Variants in EFCAB6 observed in about 807,000 individuals in gnomAD.
EFCAB6 encodes EF-hand calcium binding domain 6.
Under a neutral mutation model 169.8 loss-of-function variants are expected in EFCAB6, and 156 were observed. That is an observed-to-expected ratio of 0.92 (90% CI 0.81 to 1.05). The LOEUF is 1.05. Among genes scored for constraint, EFCAB6 ranks in the 50% least tolerant of loss-of-function variants. EFCAB6 has a pLI of 0.00. For synonymous variants in EFCAB6, 698 were observed against 676.4 expected (o/e 1.03, Z -0.50); for missense variants, 1,800 against 1,829.1 (o/e 0.98, Z 0.29).
chr22:43,588,733 C>T (rs749351785), intron 24 of EFCAB6, among the ~76,000 whole-genome samples: 2 of 151,690 alleles, frequency 1.3e-5, no homozygotes, highest in Non-Finnish European at 2.9e-5. Flanking sequence ...GATTAGCTGA[C>T]GTGTCTCGAT....
chr22:43,750,245 G>C (rs1464148525), intron 6 of EFCAB6, among the ~76,000 whole-genome samples: 1 of 152,158 alleles, frequency 6.6e-6, no homozygotes, highest in Admixed American at 6.5e-5. Context: ...TCCTGGGGTA[G>C]AAGTATTCTC....
chr22:43,708,967 G>A (rs1413681706), intron 10 of EFCAB6, among the ~76,000 whole-genome samples: 1 of 152,118 alleles, frequency 6.6e-6, no homozygotes, highest in African/African-American at 2.4e-5. Context: ...CAAGTTATAA[G>A]AACACCTCAG....
intron 22 of EFCAB6, among the ~76,000 whole-genome samples, chr22:43,605,773 C>T (rs187266105): frequency 6.5e-4 from 99 of 152,142 alleles, no homozygotes; most frequent in Admixed American, 2.2e-3. Flanking sequence ...TGGTAAACTG[C>T]GTTATGTATA....
chr22:43,722,560 T>C (rs975719797), intron 8 of EFCAB6, among the ~76,000 whole-genome samples: 1 of 148,538 alleles, frequency 6.7e-6, no homozygotes, highest in African/African-American at 2.5e-5. Context: ...AAACAACAGA[T>C]GCTGGCAAGG....
At position 43,711,562 on chromosome 22, in the gene EFCAB6, C is replaced by T. The variant is rs780272206; in HGVS notation, c.944G>A (p.Gly315Asp). 1.2e-6 allele frequency: 2 copies of T among 1,604,598 alleles called. No individual in the cohort carries two copies. Among genetic ancestry groups the T allele is most frequent in the Non-Finnish European group, 1.7e-6 (2 of 1,177,858 alleles). ...ALSAGDPCKG[G>D]YVSFNYLKIV... ...CTTTAGATAATTAAAAGACACGTAG[C>T]CACCTTTACAGGGGTCCCCTGCACT... Residue 315 changes from glycine (G) to aspartate (D), a missense_variant, in exon 10 of 32, where the codon GGC (glycine) becomes GAC (aspartate). Physicochemically the swap from Gly to Asp is moderately conservative, Grantham distance 94 (BLOSUM62 -1). Transcript: ENST00000262726.
chr22:43,591,779 A>C (rs1444757205), intron 23 of EFCAB6, among the ~76,000 whole-genome samples: 2 of 152,160 alleles, frequency 1.3e-5, no homozygotes, highest in Non-Finnish European at 2.9e-5. Context: ...GAGACACTGA[A>C]TTTTCAGTCT....
At position 43,576,816 on chromosome 22, in the gene EFCAB6, C is replaced by G. The variant is rs866405197; in HGVS notation, c.3229-328G>C. On this transcript the variant is annotated intron_variant, in intron 25 of 31. Transcript: ENST00000262726. ...AAGCCTCGCCCCTGCTCCCAGGATC[C>G]CTGTTTTACAGAGCAGAGCAGAGAG... Among the ~76,000 whole-genome samples the G allele has an allele frequency of 4.1e-4, 63 of 152,190 alleles. 1 individual carries two copies. Among genetic ancestry groups the G allele is most frequent in the African/African-American group, 1.5e-3 (61 of 41,434 alleles).
chr22:43,739,610 C>T (rs1477477925), intron 6 of EFCAB6, among the ~76,000 whole-genome samples: 1 of 152,166 alleles, frequency 6.6e-6, no homozygotes, highest in Admixed American at 6.5e-5. Context: ...CTCTAACAGA[C>T]ATCTCAGGTT....
intron 17 of EFCAB6, among the ~76,000 whole-genome samples, chr22:43,639,757 G>A (rs1355947541): frequency 6.6e-6 from 1 of 151,774 alleles, no homozygotes; most frequent in Non-Finnish European, 1.5e-5. Context: ...TTTTCCTTTT[G>A]TGATTCCAAT....
intron 6 of EFCAB6, among the ~76,000 whole-genome samples, 154 bp downstream of exon 6, chr22:43,755,612 G>C (rs997427697): frequency 1.1e-4 from 16 of 152,148 alleles, no homozygotes; most frequent in Admixed American, 9.2e-4. Context: ...CTTTCGCACT[G>C]GCTTGTTATC....
intron 12 of EFCAB6, among the ~76,000 whole-genome samples, chr22:43,682,857 C>G (rs541188168): frequency 6.6e-6 from 1 of 152,274 alleles, no homozygotes; most frequent in South Asian, 2.1e-4. Flanking sequence ...TTCAAAGAAC[C>G]CCATGTTCCT....
chr22:43,666,959 A>G (rs113478583), intron 17 of EFCAB6, 145 bp downstream of exon 17: 15,351 of 1,147,426 alleles, frequency 0.013, 159 homozygotes, highest in Non-Finnish European at 0.015. Flanking sequence ...TTGGCCAAAA[A>G]AAAAAATCCT....
At chr22:43,561,177 C>T (rs1035348008) in intron 26 of EFCAB6, among the ~76,000 whole-genome samples, 3 of 151,856 alleles carry the variant, frequency 2.0e-5, no homozygotes, top group Non-Finnish European at 2.9e-5. Context: ...GCCAATACAG[C>T]GAAAGTTCGT....
chr22:43,621,204 T>C (rs952563940), intron 20 of EFCAB6, among the ~76,000 whole-genome samples: 2 of 151,954 alleles, frequency 1.3e-5, no homozygotes, highest in African/African-American at 4.8e-5. Context: ...TTCTCCTGTC[T>C]CAGCCTCCTG....
intron 24 of EFCAB6, among the ~76,000 whole-genome samples, chr22:43,586,531 G>C (rs2051084765): frequency 1.3e-5 from 2 of 151,726 alleles, no homozygotes; most frequent in South Asian, 2.1e-4. Context: ...CATGCATTCT[G>C]TCAGCATGGC....
At chr22:43,666,691 G>GTT (rs137764) in intron 17 of EFCAB6, among the ~76,000 whole-genome samples, 20,634 of 77,728 alleles carry the variant, frequency 0.27, 3,850 homozygotes, top group East Asian at 0.52. Context: ...CTGCCAGATT[G>GTT]TTTTTTTTTT....
chr22:43,561,185 C>T (rs373204385), intron 26 of EFCAB6, among the ~76,000 whole-genome samples: 11 of 151,932 alleles, frequency 7.2e-5, no homozygotes, highest in East Asian at 3.9e-4. Flanking sequence ...AGCGAAAGTT[C>T]GTCTTTACCA....
intron 26 of EFCAB6, among the ~76,000 whole-genome samples, chr22:43,565,871 A>G (rs1022152098): frequency 2.6e-5 from 4 of 152,302 alleles, no homozygotes; most frequent in African/African-American, 9.6e-5. Context: ...AGAATGGTGT[A>G]ATTACTTCTA....
chr22:43,566,107 A>G (rs1376722909), intron 26 of EFCAB6, among the ~76,000 whole-genome samples: 1 of 152,188 alleles, frequency 6.6e-6, no homozygotes, highest in African/African-American at 2.4e-5. Flanking sequence ...TGCCGGATCA[A>G]GAAACGGACG....
Sources: gnomAD v4.1 joint callset for allele counts (sites outside exome capture counted in the v4.1 genomes callset) on GRCh38, gnomAD v4.1.1 for gene constraint, MANE v1.5 for transcripts, NCBI Gene and HGNC (gene_info 2026-07-23, HGNC 2026-07-21) for gene names.